GRM5: variants seen among roughly 807,000 people sequenced by gnomAD.
GRM5 encodes the protein glutamate metabotropic receptor 5.
GRM5 carries 19 observed loss-of-function variants against 83.1 expected under a neutral mutation model. The observed-to-expected ratio is 0.23, with a 90% CI of 0.16 to 0.34. The LOEUF is 0.34. Among genes scored for constraint, GRM5 ranks in the 10% least tolerant of loss-of-function variants. The pLI, the probability that GRM5 is intolerant of heterozygous loss-of-function variation, is 1.00. For missense variants in GRM5, 1,160 were observed against 1,588.3 expected (o/e 0.73, Z 4.58); for synonymous variants, 675 against 633.6 (o/e 1.07, Z -0.98).
intron 9 of GRM5, among the ~76,000 whole-genome samples, chr11:88,511,583 C>T (rs1251349622): frequency 6.6e-6 from 1 of 152,228 alleles, no homozygotes; most frequent in African/African-American, 2.4e-5. Flanking sequence ...CCACTCTGCC[C>T]TTCCTGGAAA....
intron 2 of GRM5, among the ~76,000 whole-genome samples, chr11:88,922,384 T>A (rs1357130746): frequency 1.3e-5 from 2 of 152,060 alleles, no homozygotes; most frequent in Non-Finnish European, 1.5e-5. Flanking sequence ...AACAGACACA[T>A]AGACCAATGT....
intron 2 of GRM5, among the ~76,000 whole-genome samples, chr11:88,953,123 A>G (rs1363368906): frequency 1.3e-5 from 2 of 152,182 alleles, no homozygotes; most frequent in Non-Finnish European, 2.9e-5. Flanking sequence ...GATGTTCTAG[A>G]TCAAATTTAT....
chr11:89,025,317 TTGGAA>T (rs1941103040), intron 2 of GRM5, among the ~76,000 whole-genome samples: 1 of 152,142 alleles, frequency 6.6e-6, no homozygotes, highest in South Asian at 2.1e-4. Flanking sequence ...GCAAACATGT[TTGGAA>T]GTTGCTAAGG....
chr11:88,967,292 G>T (rs1363967119), intron 2 of GRM5, among the ~76,000 whole-genome samples: 1 of 146,790 alleles, frequency 6.8e-6, no homozygotes, highest in Non-Finnish European at 1.5e-5. Context: ...CTTCTGAAGA[G>T]TATTTCATCT....
chr11:88,578,039 A>G (rs1487577600), intron 7 of GRM5, among the ~76,000 whole-genome samples: 1 of 152,092 alleles, frequency 6.6e-6, no homozygotes, highest in Non-Finnish European at 1.5e-5. Context: ...AACATCTGCT[A>G]AAGTGCCTGT....
chr11:88,704,187 C>A (rs1499028), intron 3 of GRM5, among the ~76,000 whole-genome samples: 88,291 of 151,806 alleles, frequency 0.58, 28,593 homozygotes, highest in South Asian at 0.81. Context: ...TCCTCTTTAT[C>A]TTCCAAAAGC....
chr11:89,003,643 T>C (rs1666997890), intron 2 of GRM5, among the ~76,000 whole-genome samples: 1 of 152,038 alleles, frequency 6.6e-6, no homozygotes, highest in Non-Finnish European at 1.5e-5. Context: ...TTAAAGGAAA[T>C]CTGCTAAGAC....
chr11:88,712,831 T>C (rs1353353951), intron 3 of GRM5, among the ~76,000 whole-genome samples: 2 of 152,092 alleles, frequency 1.3e-5, no homozygotes, highest in Admixed American at 6.6e-5. Flanking sequence ...TGCAATTTTA[T>C]CTGTGAACAT....
chr11:88,909,213 A>G (rs1211082049), intron 2 of GRM5, among the ~76,000 whole-genome samples: 1 of 152,122 alleles, frequency 6.6e-6, no homozygotes, highest in Non-Finnish European at 1.5e-5. Flanking sequence ...TGATTTATAA[A>G]GCATGGTTCT....
intron 2 of GRM5, among the ~76,000 whole-genome samples, chr11:88,908,629 A>G (rs1421318540): frequency 1.3e-5 from 2 of 152,134 alleles, no homozygotes; most frequent in Admixed American, 6.6e-5. Flanking sequence ...TTCTTATCCT[A>G]TTATACCTTA....
intron 6 of GRM5, among the ~76,000 whole-genome samples, chr11:88,593,148 T>C (rs920550883): frequency 2.0e-5 from 3 of 152,180 alleles, no homozygotes; most frequent in African/African-American, 7.2e-5. Context: ...AATAACAATA[T>C]ATAACATATC....
At chr11:88,923,175 C>G (rs2135631900) in intron 2 of GRM5, among the ~76,000 whole-genome samples, 1 of 152,114 alleles carries the variant, frequency 6.6e-6, no homozygotes, top group South Asian at 2.1e-4. Flanking sequence ...GTAAAACCAC[C>G]ATATGATTCA....
At chr11:88,961,029 A>G (rs950489899) in intron 2 of GRM5, among the ~76,000 whole-genome samples, 15 of 152,218 alleles carry the variant, frequency 9.9e-5, no homozygotes, top group African/African-American at 3.6e-4. Flanking sequence ...TTTCAATCCA[A>G]TGGTGTTCAA....
chr11:88,782,028 T>C (rs1942984935), intron 3 of GRM5, among the ~76,000 whole-genome samples: 1 of 152,120 alleles, frequency 6.6e-6, no homozygotes, highest in South Asian at 2.1e-4. Context: ...ATTCATAAAA[T>C]TATAATTTTT....
chr11:88,783,667 A>T (rs867880393), intron 3 of GRM5, among the ~76,000 whole-genome samples: 1 of 151,996 alleles, frequency 6.6e-6, no homozygotes, highest in African/African-American at 2.4e-5. Context: ...AGGCAACTCT[A>T]CCCATACTCA....
At position 88,740,438 on chromosome 11, in the gene GRM5, A is replaced by G. The variant is rs190686081; in HGVS notation, c.912-87035T>C. 1.2e-4 allele frequency among the ~76,000 whole-genome samples: 18 copies of G among 152,186 alleles called. No individual in the cohort carries two copies. In the East Asian group the frequency reaches 3.3e-3, roughly 28 times the overall value. The stretch of plus-strand genomic sequence containing the variant: ...CTTGGAGCAGTACATATATTTTTAG[A>G]GAATATATGTTTAAGATTCAGTTGG... On this transcript the variant is annotated intron_variant, in intron 3 of 9. Coordinates refer to ENST00000305447, the MANE Select transcript of GRM5 (RefSeq NM_001143831.3).
intron 3 of GRM5, among the ~76,000 whole-genome samples, chr11:88,820,436 T>G (rs186581507): frequency 8.1e-4 from 122 of 151,126 alleles, no homozygotes; most frequent in Non-Finnish European, 5.9e-5. Flanking sequence ...TTTTCCATTA[T>G]TGCTATTCTT....
intron 2 of GRM5, among the ~76,000 whole-genome samples, chr11:89,046,871 G>A (rs998152110): frequency 3.9e-5 from 6 of 152,038 alleles, no homozygotes; most frequent in Non-Finnish European, 8.8e-5. Context: ...AAAATATGAG[G>A]TGTTCAATGA....
Position 88,597,390 on chromosome 11 carries a change from T to C in GRM5, c.1395-38A>G, listed in dbSNP as rs775321802. ...AATATGATAATTATGCAGCTTAAGA[T>C]GTAAATACTCAGCTTTGAAAAGGCA... On this transcript the variant is annotated intron_variant, in intron 5 of 9. Coordinates refer to ENST00000305447, the MANE Select transcript of GRM5 (RefSeq NM_001143831.3). 11 of 1,118,486 alleles carry C rather than the reference T, an allele frequency of 9.8e-6. No individual in the cohort carries two copies. In the African/African-American group the frequency reaches 1.7e-4, roughly 17 times the overall value. 69.3% of individuals were successfully genotyped at this position (1,118,486 alleles called of 1,614,324 possible).
Sources: gnomAD v4.1 joint callset for allele counts (sites outside exome capture counted in the v4.1 genomes callset) on GRCh38, gnomAD v4.1.1 for gene constraint, MANE v1.5 for transcripts, NCBI Gene and HGNC (gene_info 2026-07-23, HGNC 2026-07-21) for gene names.